DPP10: variants seen among roughly 807,000 people sequenced by gnomAD.
The protein encoded by DPP10 is dipeptidyl peptidase like 10.
A neutral mutation model predicts 120.9 loss-of-function variants in DPP10; 33 were observed. The ratio of observed to expected loss-of-function variants is 0.27; its 90% CI spans 0.21 to 0.37. The LOEUF (loss-of-function observed/expected upper bound fraction) is 0.37, where lower values mean the gene tolerates loss of function less well. DPP10 is among the 10% of genes least tolerant of loss of function. The pLI, the probability that DPP10 is intolerant of heterozygous loss-of-function variation, is 1.00. For synonymous variants in DPP10, 337 were observed against 326.1 expected (o/e 1.03, Z -0.36); for missense variants, 816 against 942.8 (o/e 0.87, Z 1.76).
At chr2:114,596,934 C>T (rs534856302) in intron 1 of DPP10, among the ~76,000 whole-genome samples, 1 of 151,968 alleles carries the variant, frequency 6.6e-6, no homozygotes, top group Non-Finnish European at 1.5e-5. Context: ...AGCCATTGTC[C>T]TAGTTACTGG....
intron 1 of DPP10, among the ~76,000 whole-genome samples, chr2:115,226,928 G>C (rs569167749): frequency 6.6e-6 from 1 of 152,196 alleles, no homozygotes; most frequent in South Asian, 2.1e-4. Flanking sequence ...AAGAACTACA[G>C]ATTTCAAGTA....
intron 2 of DPP10, among the ~76,000 whole-genome samples, chr2:115,338,128 G>A (rs2063254579): frequency 6.6e-6 from 1 of 152,048 alleles, no homozygotes; most frequent in Admixed American, 6.6e-5. Flanking sequence ...AATGTGCCAA[G>A]TGATCAATAT....
At chr2:115,130,465 C>G (rs1237413558) in intron 1 of DPP10, among the ~76,000 whole-genome samples, 2 of 151,430 alleles carry the variant, frequency 1.3e-5, no homozygotes, top group Non-Finnish European at 2.9e-5. Flanking sequence ...ATTATCCTTC[C>G]ATCCATGCAT....
At chr2:115,419,284 A>G (rs889426448) in intron 3 of DPP10, among the ~76,000 whole-genome samples, 16 of 152,204 alleles carry the variant, frequency 1.1e-4, no homozygotes, top group Admixed American at 5.9e-4. Context: ...CACAGATGTC[A>G]GTGAAGCCTT....
At chr2:114,699,143 C>A (rs1700238086) in intron 1 of DPP10, among the ~76,000 whole-genome samples, 1 of 152,070 alleles carries the variant, frequency 6.6e-6, no homozygotes, top group African/African-American at 2.4e-5. Flanking sequence ...TGGTGATAAT[C>A]TAAAAAACGT....
intron 1 of DPP10, among the ~76,000 whole-genome samples, chr2:114,940,939 C>A (rs1406913702): frequency 6.6e-6 from 1 of 152,094 alleles, no homozygotes; most frequent in Non-Finnish European, 1.5e-5. Context: ...CTCTTACATC[C>A]TTATTCATGT....
chr2:115,150,098 G>A (rs1366634638), intron 1 of DPP10, among the ~76,000 whole-genome samples: 1 of 152,174 alleles, frequency 6.6e-6, no homozygotes, highest in Non-Finnish European at 1.5e-5. Flanking sequence ...GATAGAAAGA[G>A]TCTCAAACTG....
chr2:115,381,299 C>G (rs1202484430), intron 3 of DPP10, among the ~76,000 whole-genome samples: 3 of 152,126 alleles, frequency 2.0e-5, no homozygotes, highest in African/African-American at 7.2e-5. Flanking sequence ...TCATTTCATT[C>G]ATTTCATCTT....
intron 1 of DPP10, among the ~76,000 whole-genome samples, chr2:115,219,000 C>T (rs2056986127): frequency 1.3e-5 from 2 of 152,196 alleles, no homozygotes; most frequent in African/African-American, 2.4e-5. Flanking sequence ...GTACTTATTA[C>T]ACCCTACAAC....
rs12619635 is a variant in DPP10, at chr2:115,827,447, T to A, written c.1951-8710T>A. 4.1e-3 allele frequency among the ~76,000 whole-genome samples: 514 copies of A among 126,812 alleles called. 2 individuals carry two copies. Among genetic ancestry groups the A allele is most frequent in the African/African-American group, 9.5e-3 (326 of 34,158 alleles). 83.2% of individuals were successfully genotyped at this position (126,812 alleles called of 152,430 possible). A position where few individuals can be genotyped will look rare whatever the true frequency, so the allele number is the denominator to read the frequency against. Reference sequence around the variant, plus strand: ...ATATATATATATATATATATATATATGCTCTACAGTGGTATACTTCTGTTT... The same window carrying A: ...ATATATATATATATATATATATATAAGCTCTACAGTGGTATACTTCTGTTT... On this transcript the variant is annotated intron_variant, in intron 21 of 25. Coordinates refer to ENST00000410059, the MANE Select transcript of DPP10 (RefSeq NM_020868.6).
intron 12 of DPP10, among the ~76,000 whole-genome samples, chr2:115,766,308 G>GTATA (rs1680722727): frequency 6.4e-5 from 4 of 62,474 alleles, no homozygotes; most frequent in African/African-American, 2.1e-4. Context: ...GTGTGTGTGT[G>GTATA]TGTATATATA....
chr2:115,463,327 A>G (rs1010360911), intron 3 of DPP10, among the ~76,000 whole-genome samples: 1 of 152,164 alleles, frequency 6.6e-6, no homozygotes, highest in East Asian at 1.9e-4. Context: ...ACTGACTACT[A>G]TTTATATTTT....
At chr2:114,951,092 A>G (rs751910378) in intron 1 of DPP10, among the ~76,000 whole-genome samples, 1 of 152,210 alleles carries the variant, frequency 6.6e-6, no homozygotes, top group Non-Finnish European at 1.5e-5. Flanking sequence ...TTCATGAAGG[A>G]ATATAGTACA....
intron 1 of DPP10, among the ~76,000 whole-genome samples, chr2:114,473,186 A>C (rs973548510): frequency 2.0e-5 from 3 of 152,102 alleles, no homozygotes; most frequent in African/African-American, 7.2e-5. Flanking sequence ...TCTTTCTTTT[A>C]TCTCTGGCAG....
At chr2:114,799,329 G>A (rs1296985472) in intron 1 of DPP10, among the ~76,000 whole-genome samples, 7 of 152,092 alleles carry the variant, frequency 4.6e-5, no homozygotes, top group African/African-American at 7.2e-5. Context: ...TGCTCTTCAA[G>A]TCCTAAGAGA....
chr2:115,011,503 A>T (rs1702261966), intron 1 of DPP10, among the ~76,000 whole-genome samples: 1 of 152,178 alleles, frequency 6.6e-6, no homozygotes, highest in South Asian at 2.1e-4. Flanking sequence ...CTTTTAACCC[A>T]TGGTAATATT....
rs193008316 is a variant in DPP10, at chr2:114,789,652, G to A, written c.60+346814G>A. On this transcript the variant is annotated intron_variant, in intron 1 of 25. Coordinates refer to ENST00000410059, the MANE Select transcript of DPP10 (RefSeq NM_020868.6). The stretch of plus-strand genomic sequence containing the variant: ...ACTATTTGCAGAGCCTGAAGTACGT[G>A]AGGTATGGAAAGAGAGACGACAGAA... Among the ~76,000 whole-genome samples, 845 of 152,316 alleles carry A rather than the reference G, an allele frequency of 5.5e-3. 10 individuals are homozygous for A. The highest frequency in any genetic ancestry group is 0.019 in the African/African-American group (797 of 41,556).
intron 1 of DPP10, among the ~76,000 whole-genome samples, chr2:114,574,188 A>T (rs964617797): frequency 7.2e-5 from 11 of 152,190 alleles, no homozygotes; most frequent in Non-Finnish European, 1.2e-4. Flanking sequence ...TACCCGCCTC[A>T]TGTGACTAGA....
chr2:114,782,774 A>G (rs990294052), intron 1 of DPP10, among the ~76,000 whole-genome samples: 1 of 152,150 alleles, frequency 6.6e-6, no homozygotes, highest in Non-Finnish European at 1.5e-5. Flanking sequence ...CAGCTTTTCT[A>G]GAGAATAATT....
Sources: allele counts gnomAD v4.1 joint callset (sites outside exome capture counted in the v4.1 genomes callset), GRCh38; gene constraint gnomAD v4.1.1; transcripts MANE v1.5; gene names NCBI Gene and HGNC (gene_info 2026-07-23, HGNC 2026-07-21).